Variants in SLC35E3 observed in about 807,000 individuals in gnomAD.
SLC35E3 encodes the protein solute carrier family 35 member E3.
In SLC35E3, 28 loss-of-function variants were observed where a neutral mutation model predicts 30.8. That is an observed-to-expected ratio of 0.91 (90% confidence interval 0.67 to 1.25). SLC35E3 has a LOEUF of 1.25. SLC35E3 is among the 50% of genes most tolerant of loss of function. The pLI, the probability that SLC35E3 is intolerant of heterozygous loss-of-function variation, is 0.00. For missense variants in SLC35E3, 365 were observed against 375.4 expected, an observed-to-expected ratio of 0.97 and a Z score of 0.23; for synonymous variants, 146 against 149.2, an observed-to-expected ratio of 0.98 and a Z score of 0.16.
rs1342286651 is a variant in SLC35E3 at position 68,778,077 on chromosome 12, G to A, written c.*13187G>A. On this transcript the variant is annotated 3_prime_UTR_variant, in exon 5 of 5. Coordinates refer to ENST00000398004, the MANE Select transcript of SLC35E3 (RefSeq NM_018656.5). The stretch of plus-strand genomic sequence containing the variant: ...GAGGCTGCAATGAGCCACCGTGATG[G>A]TGAACTGCACTCCAGCTTGAGTGAC... 6.6e-6 allele frequency: 1 copy of A among 152,062 alleles called. No individual in the cohort carries two copies. Among genetic ancestry groups the A allele is most frequent in the African/African-American group, 2.4e-5 (1 of 41,400 alleles). The allele number at this position is 152,062 out of a possible 1,614,324, so 9.4% of individuals were successfully genotyped here.
chr12:68,750,964 C>T (rs1406493008), intron 2 of SLC35E3, among the ~76,000 whole-genome samples: 2 of 152,166 alleles, frequency 1.3e-5, no homozygotes, highest in East Asian at 1.9e-4. Flanking sequence ...CTGATCCAAA[C>T]AGTCCTGTTA....
At chr12:68,760,225 A>G (rs3741600) in intron 4 of SLC35E3, 46,761 of 152,008 alleles carry the variant, frequency 0.31, 7,433 homozygotes, top group South Asian at 0.39. Flanking sequence ...GGTCAAATTC[A>G]ACTGTCCATT....
rs550673913 is a variant in SLC35E3, at chr12:68,767,054, A to G, written c.*2164A>G. On this transcript the variant is annotated 3_prime_UTR_variant, in exon 5 of 5. Transcript: ENST00000398004. Reference sequence around the variant, plus strand: ...GAAAATTCTTGTACAGCAAGTTGGGACAAAATAGCCATATAGAAACAGCCA... The same window carrying G: ...GAAAATTCTTGTACAGCAAGTTGGGGCAAAATAGCCATATAGAAACAGCCA... The G allele has an allele frequency of 2.9e-4, 49 of 166,136 alleles. No individual in the cohort carries two copies. Among genetic ancestry groups the G allele is most frequent in the Admixed American group, 5.2e-4 (8 of 15,532 alleles). 10.3% of individuals were successfully genotyped at this position (166,136 alleles called of 1,614,324 possible).
rs999792751 is a variant in SLC35E3, at chr12:68,777,736, A to T, written c.*12846A>T. The T allele has an allele frequency of 6.6e-6, 1 of 152,208 alleles. No homozygotes were observed. The highest frequency in any genetic ancestry group is 2.4e-5 in the African/African-American group (1 of 41,448). 9.4% of individuals were successfully genotyped at this position (152,208 alleles called of 1,614,324 possible). On this transcript the variant is annotated 3_prime_UTR_variant, in exon 5 of 5. Transcript: ENST00000398004. ...CCAAAGAATGACCATCACAGAATTTATGAACTACTCCTAGATCATGCAATT... is the reference window on the plus strand; with the variant it reads ...CCAAAGAATGACCATCACAGAATTTTTGAACTACTCCTAGATCATGCAATT...
In SLC35E3 at chr12:68,757,961, A is replaced by G. The variant is rs952540295; in HGVS notation, c.673-1196A>G. Among the ~76,000 whole-genome samples the G allele has an allele frequency of 3.3e-5, 5 of 151,520 alleles. No homozygotes were observed. In the South Asian group the frequency reaches 8.3e-4, roughly 25 times the overall value. ...AAAAAAATTAGGTGGGTGTGGTGGC[A>G]TGGGCCTGTAATCCCAGCTACTGGG... is the stretch of plus-strand genomic sequence containing the variant. On this transcript the variant is annotated intron_variant, in intron 3 of 4. Transcript: ENST00000398004.
intron 2 of SLC35E3, among the ~76,000 whole-genome samples, chr12:68,749,746 A>C (rs908560370): frequency 1.2e-4 from 19 of 152,186 alleles, no homozygotes; most frequent in African/African-American, 4.1e-4. Flanking sequence ...TTTTCCTTGC[A>C]GTGTGTGTGA....
At position 68,759,063 on chromosome 12, in the gene SLC35E3, T is replaced by C. The variant is rs562908862; in HGVS notation, c.673-94T>C. On this transcript the variant is annotated intron_variant, in intron 3 of 4. Coordinates refer to ENST00000398004, the MANE Select transcript of SLC35E3 (RefSeq NM_018656.5). ...TAATCTTATTTATTAATGGTTGATA[T>C]TTGAATTTTTTAAAATGCCGAATGA... The C allele has an allele frequency of 2.5e-4, 244 of 961,574 alleles. 3 individuals carry two copies. The East Asian group carries it at 5.8e-3, about 23-fold the overall frequency. The allele number at this position is 961,574 out of a possible 1,614,324, so 59.6% of individuals were successfully genotyped here.
Position 68,748,024 on chromosome 12 carries a change from C to G in SLC35E3, c.497C>G (p.Thr166Arg). Residue 166 changes from threonine (T) to arginine (R), a missense_variant, in exon 2 of 5, where the codon ACA becomes AGA. Physicochemically the swap from Thr to Arg is moderately conservative, Grantham distance 71. Transcript: ENST00000398004. ...TTTGCTGCTCTTGGTGTTTTAGTTA[C>G]ATCCCTTTATCAAGTGGTTGGTAAT... is the stretch of plus-strand genomic sequence containing the variant. ...MVFAALGVLV[T>R]SLYQVWVGAK... 1 of 1,601,450 alleles carries G rather than the reference C, an allele frequency of 6.2e-7. No individual in the cohort carries two copies. Among genetic ancestry groups the G allele is most frequent in the Non-Finnish European group, 8.5e-7 (1 of 1,170,046 alleles).
intron 3 of SLC35E3, among the ~76,000 whole-genome samples, chr12:68,755,230 G>A (rs1175558422): frequency 2.6e-5 from 4 of 152,056 alleles, no homozygotes; most frequent in African/African-American, 7.3e-5. Context: ...ATCACCTTGC[G>A]GGTGAGGATT....
intron 4 of SLC35E3, 55 bp downstream of exon 4, chr12:68,759,294 T>C: frequency 3.3e-6 from 4 of 1,211,606 alleles, no homozygotes; most frequent in Non-Finnish European, 4.9e-6. Context: ...TCCAAAACTT[T>C]TACATTCATT....
intron 3 of SLC35E3, among the ~76,000 whole-genome samples, chr12:68,753,452 C>CA (rs571712875): frequency 8.8e-4 from 123 of 139,414 alleles, no homozygotes; most frequent in Admixed American, 1.2e-3. Flanking sequence ...GACCCTGTCT[C>CA]AAAAAAAAAA....
At chr12:68,753,620 G>A (rs1459130937) in intron 3 of SLC35E3, among the ~76,000 whole-genome samples, 1 of 151,980 alleles carries the variant, frequency 6.6e-6, no homozygotes, top group African/African-American at 2.4e-5. Context: ...TTTAGATATG[G>A]AATGATATCA....
chr12:68,766,859 A>G lies in SLC35E3; in HGVS notation c.*1969A>G, dbSNP rs1250665970. ...CTCAGCCTCTCGAAGTGCTGGGATTACAGGCCTGAGCCACCACACCTGGCC... is the reference window on the plus strand; with the variant it reads ...CTCAGCCTCTCGAAGTGCTGGGATTGCAGGCCTGAGCCACCACACCTGGCC... On this transcript the variant is annotated 3_prime_UTR_variant, in exon 5 of 5. Transcript: ENST00000398004. The G allele has an allele frequency of 2.3e-6, 1 of 428,632 alleles. No individual in the cohort carries two copies. The allele number at this position is 428,632 out of a possible 1,614,324, so 26.6% of individuals were successfully genotyped here. A position where few individuals can be genotyped will look rare whatever the true frequency, so the allele number is the denominator to read the frequency against.
chr12:68,755,320 G>A (rs1385535133), intron 3 of SLC35E3, among the ~76,000 whole-genome samples: 3 of 152,150 alleles, frequency 2.0e-5, no homozygotes, highest in Non-Finnish European at 2.9e-5. Context: ...TCCCACAAGA[G>A]TTCCCACAAC....
At position 68,765,006 on chromosome 12, in the gene SLC35E3, C is replaced by T. The variant is rs1592545883; in HGVS notation, c.*116C>T. 1 of 996,184 alleles carries T rather than the reference C, an allele frequency of 1.0e-6. No individual in the cohort carries two copies. The highest frequency in any genetic ancestry group is 2.7e-5 in the East Asian group (1 of 36,796). The allele number at this position is 996,184 out of a possible 1,614,324, so 61.7% of individuals were successfully genotyped here. A position where few individuals can be genotyped will look rare whatever the true frequency, so the allele number is the denominator to read the frequency against. On this transcript the variant is annotated 3_prime_UTR_variant, in exon 5 of 5. Coordinates refer to ENST00000398004, the MANE Select transcript of SLC35E3 (RefSeq NM_018656.5). ...GCACGGTGGCTCACGCCTGTAATCC[C>T]AGCACTTTGGGAGGCCAAGGCCAGC...
intron 3 of SLC35E3, 148 bp from the exon 4 acceptor site, chr12:68,759,009 G>A (rs796961440): frequency 1.5e-5 from 9 of 613,352 alleles, no homozygotes; most frequent in Admixed American, 9.2e-5. Context: ...GATTACAGGC[G>A]TGAGCCACCG....
intron 3 of SLC35E3, among the ~76,000 whole-genome samples, chr12:68,753,011 T>A (rs904646635): frequency 1.3e-5 from 2 of 150,652 alleles, no homozygotes; most frequent in African/African-American, 4.9e-5. Context: ...CCAGGCGTGG[T>A]GGCACACACC....
rs1026250035 is a variant in SLC35E3 at position 68,746,719 on chromosome 12, C to A, written c.342C>A (p.Ile114=). 5.6e-6 allele frequency: 9 copies of A among 1,613,036 alleles called. No individual in the cohort carries two copies. In the Admixed American group the frequency reaches 8.3e-5, roughly 15 times the overall value. The change falls in exon 1 of 5, where the codon ATC becomes ATA. Residue 114 remains isoleucine, a synonymous_variant. Transcript: ENST00000398004. ...QLAKAMTTPV[I]IAIQTFCYQK... is the part of the protein sequence containing the mutation. Reference sequence around the variant, plus strand: ...CCAAGGCCATGACCACGCCGGTGATCATAGCCATCCAGACCTTCTGCTACC... The same window carrying A: ...CCAAGGCCATGACCACGCCGGTGATAATAGCCATCCAGACCTTCTGCTACC...
chr12:68,749,635 A>G (rs1426424927), intron 2 of SLC35E3, among the ~76,000 whole-genome samples: 1 of 152,252 alleles, frequency 6.6e-6, no homozygotes, highest in Non-Finnish European at 1.5e-5. Context: ...AGGAAGTGGC[A>G]GCTCTTAAAG....
Sources: gnomAD v4.1 joint callset for allele counts (sites outside exome capture counted in the v4.1 genomes callset) on GRCh38, gnomAD v4.1.1 for gene constraint, MANE v1.5 for transcripts, NCBI Gene and HGNC (gene_info 2026-07-23, HGNC 2026-07-21) for gene names.